Variants in DCC observed in about 807,000 individuals in gnomAD.
DCC encodes the protein DCC netrin 1 receptor, also known as netrin receptor DCC.
In DCC, 58 loss-of-function variants were observed where a neutral mutation model predicts 172.5. That is an observed-to-expected ratio of 0.34 (90% CI 0.27 to 0.42). DCC has a LOEUF of 0.42. DCC is among the 10% of genes least tolerant of loss of function. DCC has a pLI of 1.00. For synonymous variants in DCC, 709 were observed against 644.5 expected (o/e 1.10, Z -1.52); for missense variants, 1,740 against 1,791.0 (o/e 0.97, Z 0.51).
intron 21 of DCC, among the ~76,000 whole-genome samples, chr18:53,434,055 A>G (rs1022536851): frequency 3.3e-5 from 5 of 152,180 alleles, no homozygotes; most frequent in South Asian, 4.1e-4. Flanking sequence ...AAATCTTGGG[A>G]AAGCTTTAGT....
intron 2 of DCC, among the ~76,000 whole-genome samples, chr18:52,801,416 T>G (rs1030965058): frequency 1.3e-5 from 2 of 152,020 alleles, no homozygotes; most frequent in African/African-American, 4.8e-5. Context: ...ACAATAACAA[T>G]GAAGGATGAG....
At chr18:53,437,034 C>A (rs1911985145) in intron 22 of DCC, among the ~76,000 whole-genome samples, 1 of 152,116 alleles carries the variant, frequency 6.6e-6, no homozygotes. Flanking sequence ...CCCAAAGCCT[C>A]CACCTCTTAA....
intron 1 of DCC, among the ~76,000 whole-genome samples, chr18:52,555,144 C>A (rs1336220536): frequency 1.3e-5 from 2 of 151,986 alleles, no homozygotes; most frequent in African/African-American, 4.8e-5. Context: ...TGTCATCATA[C>A]CTGAACATTT....
chr18:53,164,819 A>G (rs2054892191), intron 8 of DCC, among the ~76,000 whole-genome samples: 1 of 152,194 alleles, frequency 6.6e-6, no homozygotes, highest in African/African-American at 2.4e-5. Flanking sequence ...GGACTTTATT[A>G]CTTTCATAAG....
chr18:53,181,644 A>G (rs1271173132), intron 9 of DCC, among the ~76,000 whole-genome samples: 1 of 152,208 alleles, frequency 6.6e-6, no homozygotes, highest in Admixed American at 6.5e-5. Flanking sequence ...GACATAATTC[A>G]TAAGTATGTT....
At chr18:52,441,547 C>T (rs1987969712) in intron 1 of DCC, among the ~76,000 whole-genome samples, 1 of 152,120 alleles carries the variant, frequency 6.6e-6, no homozygotes. Flanking sequence ...ATTCCTCTGC[C>T]TTTTCTCTCC....
intron 5 of DCC, among the ~76,000 whole-genome samples, chr18:53,041,231 T>C (rs2042164796): frequency 6.6e-6 from 1 of 152,158 alleles, no homozygotes; most frequent in East Asian, 1.9e-4. Flanking sequence ...TTTCTGCATA[T>C]GGCTAGCCAG....
chr18:52,953,028 A>AAAAAC (rs2040682314), intron 5 of DCC, among the ~76,000 whole-genome samples: 4 of 143,748 alleles, frequency 2.8e-5, no homozygotes, highest in East Asian at 2.1e-4. Flanking sequence ...AAAAAAAAAA[A>AAAAAC]CTCATAACAT....
chr18:52,645,013 G>A (rs1370191224), intron 1 of DCC, among the ~76,000 whole-genome samples: 1 of 152,120 alleles, frequency 6.6e-6, no homozygotes, highest in Non-Finnish European at 1.5e-5. Context: ...GGAAGAAAAG[G>A]GGGAAGTGTG....
intron 22 of DCC, 104 bp from the exon 23 acceptor site, chr18:53,450,396 A>G: frequency 7.6e-7 from 1 of 1,311,502 alleles, no homozygotes; most frequent in Non-Finnish European, 1.1e-6. Context: ...CCCTAAGTTC[A>G]GAAAAGCCCA....
chr18:52,635,525 A>T (rs1040052336), intron 1 of DCC, among the ~76,000 whole-genome samples: 1 of 152,210 alleles, frequency 6.6e-6, no homozygotes, highest in Non-Finnish European at 1.5e-5. Flanking sequence ...ATTAGAAGGA[A>T]AAACGTATTT....
At chr18:53,371,693 C>A (rs772040447) in intron 15 of DCC, among the ~76,000 whole-genome samples, 1 of 151,848 alleles carries the variant, frequency 6.6e-6, no homozygotes, top group Non-Finnish European at 1.5e-5. Flanking sequence ...CAAATACCTT[C>A]TATTGAATGT....
intron 7 of DCC, among the ~76,000 whole-genome samples, chr18:53,098,634 T>A (rs575466454): frequency 2.0e-5 from 3 of 152,152 alleles, no homozygotes; most frequent in Non-Finnish European, 2.9e-5. Context: ...TGTCCCATGA[T>A]TGATGGTGAT....
At chr18:53,482,791 A>C (rs938261565) in intron 25 of DCC, among the ~76,000 whole-genome samples, 5 of 152,010 alleles carry the variant, frequency 3.3e-5, no homozygotes, top group Non-Finnish European at 7.4e-5. Context: ...GCAGTGATCC[A>C]TTTGATCAGT....
chr18:53,123,418 G>A (rs756347737), intron 7 of DCC, among the ~76,000 whole-genome samples: 1 of 152,010 alleles, frequency 6.6e-6, no homozygotes, highest in Non-Finnish European at 1.5e-5. Flanking sequence ...GAAGCAGAGT[G>A]GGGGTGTGAA....
rs575599716 is a variant in DCC at position 53,266,594 on chromosome 18, C to T, written c.1912-38984C>T. Among the ~76,000 whole-genome samples the T allele has an allele frequency of 1.5e-4, 23 of 152,108 alleles. No individual in the cohort carries two copies. In the East Asian group the frequency reaches 4.5e-3, roughly 29 times the overall value. On this transcript the variant is annotated intron_variant, in intron 12 of 28. Transcript: ENST00000442544. The stretch of plus-strand genomic sequence containing the variant: ...ATAAAATTCACTCTTTTAATGTGTG[C>T]AGTTCATGGCTTTTAGTATACTCAT...
chr18:52,950,929 C>CAAAA lies in DCC; in HGVS notation c.985+25598_985+25601dup, dbSNP rs755118442. Among the ~76,000 whole-genome samples, 127 of 57,418 alleles carry CAAAA rather than the reference C, an allele frequency of 2.2e-3. 20 individuals are homozygous for CAAAA. The highest frequency in any genetic ancestry group is 2.7e-3 in the Admixed American group (9 of 3,312). The allele number at this position is 57,418 out of a possible 152,430, so 37.7% of individuals were successfully genotyped here. On this transcript the variant is annotated intron_variant, in intron 5 of 28. Transcript: ENST00000442544. ...TGGGCGACAGAGTGAGACTCCGTCTCAAAAAAAAAAAAAAAAAAAAAAAAA... is the reference window on the plus strand; with the variant it reads ...TGGGCGACAGAGTGAGACTCCGTCTCAAAAAAAAAAAAAAAAAAAAAAAAAAAAA...
At chr18:53,264,486 AAAAAAAAAAAG>A (rs1415158831) in intron 12 of DCC, among the ~76,000 whole-genome samples, 7 of 151,652 alleles carry the variant, frequency 4.6e-5, no homozygotes, top group Non-Finnish European at 7.4e-5. Context: ...CAAAAAAAAA[AAAAAAAAAAAG>A]AAGAAGAAGA....
chr18:52,995,617 C>A (rs1470634114), intron 5 of DCC, among the ~76,000 whole-genome samples: 1 of 152,048 alleles, frequency 6.6e-6, no homozygotes, highest in East Asian at 1.9e-4. Flanking sequence ...GTGAACAGAG[C>A]ATACTTTCTA....
Sources: gnomAD v4.1 joint callset for allele counts (sites outside exome capture counted in the v4.1 genomes callset) on GRCh38, gnomAD v4.1.1 for gene constraint, MANE v1.5 for transcripts, NCBI Gene and HGNC (gene_info 2026-07-23, HGNC 2026-07-21) for gene names.